SCAI: variants seen among roughly 807,000 people sequenced by gnomAD.
SCAI encodes the protein protein SCAI.
A neutral mutation model predicts 92.2 loss-of-function variants in SCAI; 24 were observed. That is an observed-to-expected ratio of 0.26 (90% CI 0.19 to 0.37). SCAI has a LOEUF of 0.37. SCAI is among the 10% of genes least tolerant of loss of function. The pLI, the probability that SCAI is intolerant of heterozygous loss-of-function variation, is 1.00. For synonymous variants in SCAI, 261 were observed against 258.6 expected (o/e 1.01, Z -0.09); for missense variants, 450 against 736.2 (o/e 0.61, Z 4.50).
chr9:125,117,553 C>T (rs1164912836), intron 2 of SCAI, among the ~76,000 whole-genome samples: 1 of 150,252 alleles, frequency 6.7e-6, no homozygotes, highest in Non-Finnish European at 1.5e-5. Context: ...GTAGTCCCAG[C>T]TACTCAGGAG....
At chr9:125,125,763 G>A (rs1200887422) in intron 2 of SCAI, among the ~76,000 whole-genome samples, 4 of 150,698 alleles carry the variant, frequency 2.7e-5, no homozygotes, top group African/African-American at 4.9e-5. Context: ...CCTGGGAGGC[G>A]GAGGTTGCAG....
intron 4 of SCAI, 93 bp from the exon 5 acceptor site, chr9:125,028,571 A>G: frequency 1.9e-6 from 1 of 539,016 alleles, no homozygotes; most frequent in Non-Finnish European, 3.1e-6. Flanking sequence ...ATACCATCCA[A>G]TTCAGCAAAG....
intron 9 of SCAI, among the ~76,000 whole-genome samples, chr9:125,010,352 T>C (rs936540078): frequency 3.3e-5 from 5 of 152,208 alleles, no homozygotes; most frequent in African/African-American, 4.8e-5. Context: ...TCCGACGGGC[T>C]TAAAAAACGG....
chr9:124,980,380 G>A (rs953404353), intron 14 of SCAI, among the ~76,000 whole-genome samples: 4 of 151,534 alleles, frequency 2.6e-5, no homozygotes, highest in Non-Finnish European at 5.9e-5. Flanking sequence ...GCCATCCTTC[G>A]AAAGTTTTGC....
intron 17 of SCAI, among the ~76,000 whole-genome samples, chr9:124,965,663 A>G (rs139018550): frequency 6.5e-4 from 99 of 152,322 alleles, no homozygotes; most frequent in African/African-American, 2.2e-3. Flanking sequence ...TGGCTTCACA[A>G]ATTTTCTTTT....
At chr9:125,027,370 T>C (rs75473497) in intron 5 of SCAI, among the ~76,000 whole-genome samples, 1 of 152,202 alleles carries the variant, frequency 6.6e-6, no homozygotes, top group South Asian at 2.1e-4. Context: ...AAAACATTTC[T>C]ACCTGAGAAA....
intron 9 of SCAI, among the ~76,000 whole-genome samples, chr9:125,009,909 T>C (rs1394384107): frequency 6.7e-6 from 1 of 149,774 alleles, no homozygotes; most frequent in Admixed American, 6.7e-5. Context: ...AAAAATAAAG[T>C]CAGTTGGCCA....
intron 2 of SCAI, among the ~76,000 whole-genome samples, chr9:125,077,651 T>C (rs902768175): frequency 6.6e-6 from 1 of 152,230 alleles, no homozygotes; most frequent in Non-Finnish European, 1.5e-5. Context: ...TGATGGCTTT[T>C]CTGTGTTTAT....
chr9:125,075,526 T>G (rs1834070379), intron 2 of SCAI, among the ~76,000 whole-genome samples: 3 of 151,802 alleles, frequency 2.0e-5, no homozygotes, highest in Admixed American at 2.0e-4. Context: ...GGCTCCCAAG[T>G]AGCTGGGATT....
intron 2 of SCAI, among the ~76,000 whole-genome samples, chr9:125,111,205 A>AT (rs1200557242): frequency 6.6e-6 from 1 of 151,366 alleles, no homozygotes; most frequent in African/African-American, 2.5e-5. Context: ...TTGGTTTAAC[A>AT]TTTAAAAAAA....
rs182316852 is a variant in SCAI at position 124,997,056 on chromosome 9, G to A, written c.1245-2041C>T. Among the ~76,000 whole-genome samples, 5 of 152,162 alleles carry A rather than the reference G, an allele frequency of 3.3e-5. No homozygotes were observed. The South Asian group carries it at 6.2e-4, about 19-fold the overall frequency. ...CAATCCTCAGCTCCTCAGAACTACC[G>A]TTGCACTCTGCTTCTGAGTGCAACT... On this transcript the variant is annotated intron_variant, in intron 13 of 17. Coordinates refer to ENST00000336505, the MANE Select transcript of SCAI (RefSeq NM_001144877.3).
intron 13 of SCAI, among the ~76,000 whole-genome samples, chr9:124,999,067 G>C (rs1832303723): frequency 6.6e-6 from 1 of 151,690 alleles, no homozygotes; most frequent in South Asian, 2.1e-4. Context: ...TATTTACAAT[G>C]ATTATTTTTC....
At chr9:125,073,450 C>T (rs915074531) in intron 2 of SCAI, among the ~76,000 whole-genome samples, 1 of 152,158 alleles carries the variant, frequency 6.6e-6, no homozygotes, top group African/African-American at 2.4e-5. Context: ...TCCACAGTGG[C>T]TGTATCATTT....
intron 13 of SCAI, among the ~76,000 whole-genome samples, chr9:124,995,695 T>G (rs1412962262): frequency 1.3e-5 from 2 of 152,114 alleles, no homozygotes; most frequent in African/African-American, 2.4e-5. Context: ...TTCTCCATAT[T>G]GCCCAGGCTG....
At chr9:125,138,585 T>C (rs940129041) in intron 2 of SCAI, among the ~76,000 whole-genome samples, 11 of 152,138 alleles carry the variant, frequency 7.2e-5, no homozygotes, top group Admixed American at 6.6e-5. Flanking sequence ...CAGCTGATTT[T>C]TTTTGTTTTT....
At chr9:125,133,673 C>A (rs994577089) in intron 2 of SCAI, among the ~76,000 whole-genome samples, 2 of 152,036 alleles carry the variant, frequency 1.3e-5, no homozygotes, top group African/African-American at 4.8e-5. Flanking sequence ...CAAAACTTAT[C>A]AAATTGTACA....
intron 2 of SCAI, among the ~76,000 whole-genome samples, chr9:125,131,668 G>A (rs941330238): frequency 3.9e-5 from 6 of 152,164 alleles, no homozygotes; most frequent in Admixed American, 3.9e-4. Flanking sequence ...TGGCCCTGCA[G>A]AGTCTGCTTT....
intron 3 of SCAI, among the ~76,000 whole-genome samples, chr9:125,033,291 T>G (rs762092385): frequency 1.3e-5 from 2 of 152,070 alleles, no homozygotes; most frequent in Admixed American, 1.3e-4. Context: ...AGAGAAAGAT[T>G]TGGATAGGCA....
chr9:125,101,036 G>T (rs1310240132), intron 2 of SCAI, among the ~76,000 whole-genome samples: 3 of 152,044 alleles, frequency 2.0e-5, no homozygotes, highest in Non-Finnish European at 4.4e-5. Flanking sequence ...TCCAGCCTGG[G>T]CAACACAGTG....
Sources: gnomAD v4.1 joint callset for allele counts (sites outside exome capture counted in the v4.1 genomes callset) on GRCh38, gnomAD v4.1.1 for gene constraint, MANE v1.5 for transcripts, NCBI Gene and HGNC (gene_info 2026-07-23, HGNC 2026-07-21) for gene names.